B3GALT1: variants seen among roughly 807,000 people sequenced by gnomAD.
B3GALT1 encodes UDP-Gal:betaGlcNAc beta 1,3-galactosyltransferase, polypeptide 1.
Under a neutral mutation model 23.2 loss-of-function variants are expected in B3GALT1, and 10 were observed. That is an observed-to-expected ratio of 0.43 (90% CI 0.27 to 0.73). The LOEUF (loss-of-function observed/expected upper bound fraction) is 0.73. B3GALT1 is among the 30% of genes least tolerant of loss of function. B3GALT1 has a pLI of 0.21. For missense variants in B3GALT1, 299 were observed against 405.4 expected (o/e 0.74, Z 2.25); for synonymous variants, 156 against 141.5 (o/e 1.10, Z -0.73).
intron 2 of B3GALT1, among the ~76,000 whole-genome samples, chr2:167,587,779 ACCAC>A (rs895024815): frequency 2.0e-5 from 3 of 152,234 alleles, no homozygotes; most frequent in African/African-American, 7.2e-5. Context: ...TGAACTGCTT[ACCAC>A]TAATTATTCT....
chr2:167,454,806 T>C (rs188604475), intron 1 of B3GALT1, among the ~76,000 whole-genome samples: 1 of 152,230 alleles, frequency 6.6e-6, no homozygotes, highest in African/African-American at 2.4e-5. Flanking sequence ...AAAATCAAGG[T>C]CAATAAATGT....
chr2:167,325,812 G>A (rs1287344228), intron 1 of B3GALT1, among the ~76,000 whole-genome samples: 1 of 149,332 alleles, frequency 6.7e-6, no homozygotes, highest in Non-Finnish European at 1.5e-5. Flanking sequence ...CTGCCTTCCA[G>A]GTTCAAGCAA....
chr2:167,484,748 A>C (rs1279162686), intron 1 of B3GALT1, among the ~76,000 whole-genome samples: 1 of 152,104 alleles, frequency 6.6e-6, no homozygotes, highest in Non-Finnish European at 1.5e-5. Flanking sequence ...AAGGTGCTTA[A>C]CTCTCAGCTA....
At chr2:167,736,568 C>T (rs1687495269) in intron 3 of B3GALT1, among the ~76,000 whole-genome samples, 1 of 152,062 alleles carries the variant, frequency 6.6e-6, no homozygotes, top group Admixed American at 6.6e-5. Flanking sequence ...TGCAAAAATT[C>T]AGCTAGAATA....
At chr2:167,327,016 C>T (rs543503049) in intron 1 of B3GALT1, among the ~76,000 whole-genome samples, 1 of 152,142 alleles carries the variant, frequency 6.6e-6, no homozygotes, top group East Asian at 1.9e-4. Flanking sequence ...AAGAGGGTGT[C>T]CTTTCCCCAA....
intron 2 of B3GALT1, among the ~76,000 whole-genome samples, chr2:167,497,315 A>G (rs1042328397): frequency 1.3e-5 from 2 of 152,176 alleles, no homozygotes; most frequent in African/African-American, 4.8e-5. Context: ...CTGAGCAAAT[A>G]TCTGAAAAAA....
intron 2 of B3GALT1, among the ~76,000 whole-genome samples, chr2:167,509,084 A>G (rs1293900629): frequency 1.3e-5 from 2 of 152,208 alleles, no homozygotes; most frequent in Non-Finnish European, 2.9e-5. Flanking sequence ...AAGAAGTGAG[A>G]AGAGCAGTCC....
At chr2:167,465,763 G>A (rs1699334584) in intron 1 of B3GALT1, among the ~76,000 whole-genome samples, 1 of 151,374 alleles carries the variant, frequency 6.6e-6, no homozygotes, top group African/African-American at 2.4e-5. Flanking sequence ...TCTAAAACAT[G>A]GTCTAGTAGT....
intron 4 of B3GALT1, among the ~76,000 whole-genome samples, chr2:167,848,748 A>G (rs543807513): frequency 2.6e-5 from 4 of 152,212 alleles, no homozygotes; most frequent in African/African-American, 4.8e-5. Context: ...AGCCAGAGCA[A>G]TCAGACAAAA....
rs141694014 is a variant in B3GALT1, at chr2:167,448,325, T to C, written c.-510-41852T>C. 5.6e-3 allele frequency among the ~76,000 whole-genome samples: 847 copies of C among 152,226 alleles called. 8 individuals carry two copies. The highest frequency in any genetic ancestry group is 0.02 in the African/African-American group (811 of 41,542). On this transcript the variant is annotated intron_variant, in intron 1 of 4. Transcript: ENST00000392690. ...TTGATTATGGTCATTCTTGCAGGAG[T>C]AAGGTGGTATTACATTGTGGTTTTG...
intron 2 of B3GALT1, among the ~76,000 whole-genome samples, chr2:167,601,652 A>T (rs1465392968): frequency 1.3e-5 from 2 of 152,182 alleles, no homozygotes; most frequent in African/African-American, 4.8e-5. Flanking sequence ...AAATTCAGTG[A>T]CTCATTCAAG....
chr2:167,705,166 T>C (rs181275840), intron 3 of B3GALT1, among the ~76,000 whole-genome samples: 2 of 152,286 alleles, frequency 1.3e-5, no homozygotes, highest in Admixed American at 6.5e-5. Flanking sequence ...CCAAACTTCA[T>C]TGTACTCAGC....
At chr2:167,515,904 C>T (rs374294376) in intron 2 of B3GALT1, among the ~76,000 whole-genome samples, 3 of 151,968 alleles carry the variant, frequency 2.0e-5, no homozygotes, top group African/African-American at 4.8e-5. Flanking sequence ...TAAAAAACAA[C>T]GTGATTAGGT....
At chr2:167,814,877 A>G (rs1402549137) in intron 3 of B3GALT1, 1 of 152,242 alleles carries the variant, frequency 6.6e-6, no homozygotes, top group Non-Finnish European at 1.5e-5. Context: ...AGGCAAGGGA[A>G]GTGGGAGAAC....
chr2:167,619,284 G>A (rs368986860), intron 2 of B3GALT1, among the ~76,000 whole-genome samples: 3 of 151,914 alleles, frequency 2.0e-5, no homozygotes, highest in Admixed American at 1.3e-4. Context: ...TGCCCTCTTA[G>A]CACTTTTACT....
intron 1 of B3GALT1, among the ~76,000 whole-genome samples, chr2:167,302,706 T>C (rs1282720053): frequency 6.6e-6 from 1 of 152,196 alleles, no homozygotes; most frequent in Non-Finnish European, 1.5e-5. Context: ...GTTGTCCTAA[T>C]TTGTATTAAC....
intron 3 of B3GALT1, among the ~76,000 whole-genome samples, chr2:167,695,849 C>A (rs1035961791): frequency 4.6e-5 from 7 of 152,246 alleles, no homozygotes; most frequent in Admixed American, 4.6e-4. Flanking sequence ...CATCTCATGA[C>A]CTACGATGGC....
intron 1 of B3GALT1, among the ~76,000 whole-genome samples, chr2:167,445,963 A>G (rs1698981368): frequency 6.6e-6 from 1 of 152,156 alleles, no homozygotes; most frequent in Non-Finnish European, 1.5e-5. Flanking sequence ...TAGCATCAAT[A>G]GACTTTACAG....
At chr2:167,452,408 C>T (rs1373083774) in intron 1 of B3GALT1, among the ~76,000 whole-genome samples, 1 of 152,182 alleles carries the variant, frequency 6.6e-6, no homozygotes, top group Non-Finnish European at 1.5e-5. Context: ...TCACTCGGCT[C>T]TCTAAATTTG....
Sources: gnomAD v4.1 joint callset for allele counts (sites outside exome capture counted in the v4.1 genomes callset) on GRCh38, gnomAD v4.1.1 for gene constraint, MANE v1.5 for transcripts, NCBI Gene and HGNC (gene_info 2026-07-23, HGNC 2026-07-21) for gene names.